PALM: variants seen among roughly 807,000 people sequenced by gnomAD.
PALM encodes the protein paralemmin-1.
Under a neutral mutation model 30.7 loss-of-function variants are expected in PALM, and 18 were observed. That is an observed-to-expected ratio of 0.59 (90% CI 0.41 to 0.87). The LOEUF (loss-of-function observed/expected upper bound fraction) is 0.87, where lower values mean the gene tolerates loss of function less well. Among genes scored for constraint, PALM ranks in the 40% least tolerant of loss-of-function variants. The pLI is 0.00. For missense variants in PALM, 529 were observed against 555.4 expected (o/e 0.95, Z 0.48); for synonymous variants, 286 against 242.8 (o/e 1.18, Z -1.66).
Position 746,385 on chromosome 19 carries a change from C to T in PALM, c.735C>T (p.Ser245=), listed in dbSNP as rs753686445. 9.9e-6 allele frequency: 16 copies of T among 1,613,108 alleles called. No homozygotes were observed. The highest frequency in any genetic ancestry group is 4.5e-5 in the East Asian group (2 of 44,852). ...LIHKADEVTL[S]EAGSTAGAAE... is the part of the protein sequence containing the mutation. ...ACAAAGCGGACGAGGTCACGCTGAG[C>T]GAGGCAGGGTCCACGGCCGGGGCGG... Residue 245 remains serine (S), a synonymous_variant, in exon 9 of 9, where the codon AGC becomes AGT. Coordinates refer to ENST00000338448, the MANE Select transcript of PALM (RefSeq NM_002579.3). The surrounding 1 kb of genome is among the most constrained non-coding windows in gnomAD (Gnocchi z 7.1).
intron 1 of PALM, among the ~76,000 whole-genome samples, chr19:720,000 G>A (rs1290754975): frequency 1.3e-5 from 2 of 152,116 alleles, no homozygotes; most frequent in African/African-American, 4.8e-5. Flanking sequence ...TCGGGGGCGG[G>A]TCCACACCCC....
In PALM at chr19:740,257, C is replaced by T. The variant is rs528217770; in HGVS notation, c.503-95C>T. ...CCTGCCCCATCGCTGCTTGGCTCTG[C>T]GCTGCTGGCTCCCCCCTCCCTGGCT... On this transcript the variant is annotated intron_variant, in intron 7 of 8. Transcript: ENST00000338448. 19 of 1,296,290 alleles carry T rather than the reference C, an allele frequency of 1.5e-5. No individual in the cohort carries two copies. The East Asian group carries it at 3.4e-4, about 23-fold the overall frequency. 80.3% of individuals were successfully genotyped at this position (1,296,290 alleles called of 1,614,324 possible). A position where few individuals can be genotyped will look rare whatever the true frequency, so the allele number is the denominator to read the frequency against.
In PALM at chr19:729,458, C is replaced by CTTT. The variant is rs34688325; in HGVS notation, c.270-1614_270-1612dup. On this transcript the variant is annotated intron_variant, in intron 4 of 8. Transcript: ENST00000338448. ...GGGAGGCAAAAATCCCACGGTGCGT[C>CTTT]TTTTTTTTTTTTTTTTTTTTTTTTT... 1.8e-3 allele frequency among the ~76,000 whole-genome samples: 130 copies of CTTT among 72,694 alleles called. 6 individuals are homozygous for CTTT. The highest frequency in any genetic ancestry group is 2.9e-3 in the East Asian group (5 of 1,748). The allele number at this position is 72,694 out of a possible 152,430, so 47.7% of individuals were successfully genotyped here.
At chr19:743,951 C>T (rs1401911290) in intron 8 of PALM, among the ~76,000 whole-genome samples, 2 of 152,168 alleles carry the variant, frequency 1.3e-5, no homozygotes, top group Admixed American at 6.6e-5. Context: ...CCACCGTGGC[C>T]CAGGCTGCCA....
intron 1 of PALM, among the ~76,000 whole-genome samples, chr19:716,405 T>C (rs2032258444): frequency 7.0e-6 from 1 of 143,566 alleles, no homozygotes; most frequent in Non-Finnish European, 1.5e-5. Flanking sequence ...GCGAGACTCT[T>C]TCTCTCAAAA....
chr19:726,950 T>TGGG, intron 2 of PALM, 58 bp from the exon 3 acceptor site: 1 of 864,342 alleles, frequency 1.2e-6, no homozygotes, highest in Non-Finnish European at 1.7e-6. Flanking sequence ...TGTGTGGGGG[T>TGGG]GGGGGGGTCT....
At chr19:735,418 G>T (rs2032996494) in intron 6 of PALM, among the ~76,000 whole-genome samples, 1 of 130,210 alleles carries the variant, frequency 7.7e-6, no homozygotes, top group Non-Finnish European at 1.6e-5. Flanking sequence ...CTGTGTCCGG[G>T]TGTCTGGATG....
chr19:726,022 A>G, intron 1 of PALM, 116 bp from the exon 2 acceptor site: 1 of 790,978 alleles, frequency 1.3e-6, no homozygotes, highest in South Asian at 1.6e-5. Flanking sequence ...GGGTTCAGAG[A>G]TGAAATCCCT....
intron 1 of PALM, chr19:719,698 C>T (rs1422495065): frequency 3.4e-6 from 3 of 884,884 alleles, no homozygotes; most frequent in African/African-American, 1.8e-5. Flanking sequence ...CCTTCCGTGA[C>T]CCCTGCGCCG....
chr19:741,285 C>T (rs958468359), intron 8 of PALM, among the ~76,000 whole-genome samples: 1 of 152,088 alleles, frequency 6.6e-6, no homozygotes, highest in African/African-American at 2.4e-5. Context: ...TCATCAGAGA[C>T]ACGCAGTGCA....
At chr19:721,526 G>T (rs1273095412) in intron 1 of PALM, among the ~76,000 whole-genome samples, 1 of 151,076 alleles carries the variant, frequency 6.6e-6, no homozygotes, top group Non-Finnish European at 1.5e-5. Context: ...TTGGCCTCCC[G>T]AAGTGCTAGG....
chr19:737,218 G>A (rs113829052), intron 7 of PALM, among the ~76,000 whole-genome samples: 1 of 152,332 alleles, frequency 6.6e-6, no homozygotes, highest in African/African-American at 2.4e-5. Context: ...GTCAGAGCAG[G>A]TGGTGCCTGT....
intron 1 of PALM, among the ~76,000 whole-genome samples, chr19:718,223 G>A (rs887972585): frequency 1.3e-5 from 2 of 152,186 alleles, no homozygotes; most frequent in African/African-American, 2.4e-5. Flanking sequence ...TGATCCGGGT[G>A]GTGACAGCTG....
rs550258310 is a variant in PALM at position 746,420 on chromosome 19, G to A, written c.770G>A (p.Arg257Gln). 1.0e-4 allele frequency: 162 copies of A among 1,610,458 alleles called. No homozygotes were observed. Among genetic ancestry groups the A allele is most frequent in the South Asian group, 6.9e-4 (63 of 90,830 alleles). Residue 257 changes from arginine (R) to glutamine (Q), a missense_variant, in exon 9 of 9, where the codon CGG (arginine) becomes CAG (glutamine). Arg to Gln is a conservative substitution (Grantham distance 43, BLOSUM62 1). Coordinates refer to ENST00000338448, the MANE Select transcript of PALM (RefSeq NM_002579.3). The surrounding 1 kb of genome is among the most constrained non-coding windows in gnomAD (Gnocchi z 7.1). Reference protein sequence around the residue: ...AGSTAGAAETRGAVEGAARTT... With the variant: ...AGSTAGAAETQGAVEGAARTT... ...TCCACGGCCGGGGCGGCAGAGACCC[G>A]GGGGGCTGTGGAGGGGGCAGCCCGG...
intron 4 of PALM, 94 bp from the exon 5 acceptor site, chr19:731,001 C>CA (rs1266943445): frequency 9.4e-5 from 76 of 812,178 alleles, no homozygotes; most frequent in Middle Eastern, 3.1e-4. Flanking sequence ...GAATCTGTCT[C>CA]AAAAAAAAGA....
chr19:720,365 G>A (rs1348919872), intron 1 of PALM, among the ~76,000 whole-genome samples: 1 of 147,328 alleles, frequency 6.8e-6, no homozygotes. Flanking sequence ...AAGGCGAGGG[G>A]GCGTCCAGGC....
chr19:732,265 A>G (rs1489297380), intron 5 of PALM, among the ~76,000 whole-genome samples: 1 of 152,224 alleles, frequency 6.6e-6, no homozygotes, highest in East Asian at 1.9e-4. Context: ...CTGTGGGAAC[A>G]GTATCCCCGT....
chr19:736,221 T>TGGACCG (rs1599161180), intron 7 of PALM, 143 bp downstream of exon 7: 1 of 604,450 alleles, frequency 1.7e-6, no homozygotes. Context: ...GGGTGGCAGC[T>TGGACCG]GGACCGAGGC....
At chr19:727,798 A>G in intron 4 of PALM, 104 bp downstream of exon 4, 1 of 1,093,976 alleles carries the variant, frequency 9.1e-7, no homozygotes. Flanking sequence ...GCTTTGAGGG[A>G]GATGCGTGGA....
Sources: allele counts gnomAD v4.1 joint callset (sites outside exome capture counted in the v4.1 genomes callset), GRCh38; gene constraint gnomAD v4.1.1; non-coding constraint Gnocchi (gnomAD v3.1); transcripts MANE v1.5; gene names NCBI Gene and HGNC (gene_info 2026-07-23, HGNC 2026-07-21).